Variants in SDC4 observed in about 807,000 individuals in gnomAD.
SDC4 encodes syndecan 4, also known as syndecan-4.
Under a neutral mutation model 20.5 loss-of-function variants are expected in SDC4, and 17 were observed. That is an observed-to-expected ratio of 0.83 (90% confidence interval 0.57 to 1.25). The LOEUF is 1.25. Ranked by LOEUF, SDC4 falls within the 50% of genes most tolerant of loss-of-function variation. The pLI, the probability that SDC4 is intolerant of heterozygous loss-of-function variation, is 0.00. For missense variants in SDC4, 241 were observed against 252.3 expected (o/e 0.96, Z 0.30); for synonymous variants, 107 against 105.3 (o/e 1.02, Z -0.10).
intron 2 of SDC4, among the ~76,000 whole-genome samples, chr20:45,335,095 A>T (rs6104122): frequency 1.4e-5 from 2 of 145,508 alleles, no homozygotes; most frequent in Non-Finnish European, 3.0e-5. Context: ...CCCCCACTGA[A>T]GCAGGGACTT....
rs772153765 is a variant in SDC4, at chr20:45,334,108, C to T, written c.200-1039G>A. 4.7e-4 allele frequency among the ~76,000 whole-genome samples: 72 copies of T among 151,992 alleles called. 1 individual carries two copies. Among genetic ancestry groups the T allele is most frequent in the Admixed American group, 2.6e-4 (4 of 15,256 alleles). On this transcript the variant is annotated intron_variant, in intron 2 of 4. Coordinates refer to ENST00000372733, the MANE Select transcript of SDC4 (RefSeq NM_002999.4). ...CTCCTGGGTTCAAGCGATTCTCCTGCCTCAGCCCCCCGAGTAGCTGGGACT... is the reference window on the plus strand; with the variant it reads ...CTCCTGGGTTCAAGCGATTCTCCTGTCTCAGCCCCCCGAGTAGCTGGGACT...
At position 45,325,630 on chromosome 20, in the gene SDC4, C is replaced by G. The variant is rs1292320597; in HGVS notation, c.*1634G>C. The G allele has an allele frequency of 1.2e-5, 1 of 84,666 alleles. No individual in the cohort carries two copies. The highest frequency in any genetic ancestry group is 2.3e-5 in the Non-Finnish European group (1 of 42,998). 5.2% of individuals were successfully genotyped at this position (84,666 alleles called of 1,614,324 possible). A position where few individuals can be genotyped will look rare whatever the true frequency, so the allele number is the denominator to read the frequency against. On this transcript the variant is annotated 3_prime_UTR_variant, in exon 5 of 5. Coordinates refer to ENST00000372733, the MANE Select transcript of SDC4 (RefSeq NM_002999.4). ...GCCTCATCAGCCCTCCCCCATTCCCCCCCCCCTACCCAGGGAGACAAGGGT... is the reference window on the plus strand; with the variant it reads ...GCCTCATCAGCCCTCCCCCATTCCCGCCCCCCTACCCAGGGAGACAAGGGT...
intron 1 of SDC4, among the ~76,000 whole-genome samples, chr20:45,339,974 AGGT>A (rs1987931833): frequency 6.6e-6 from 1 of 152,168 alleles, no homozygotes; most frequent in Non-Finnish European, 1.5e-5. Context: ...GATTTTGCCA[AGGT>A]CATCCAAGCA....
intron 2 of SDC4, among the ~76,000 whole-genome samples, chr20:45,333,559 C>T (rs1987813547): frequency 1.3e-5 from 2 of 152,178 alleles, no homozygotes; most frequent in Admixed American, 6.5e-5. Flanking sequence ...ATCCCAGCTA[C>T]TTGGGAGGCT....
chr20:45,338,083 T>C (rs1009564349), intron 1 of SDC4, among the ~76,000 whole-genome samples: 27 of 152,210 alleles, frequency 1.8e-4, no homozygotes, highest in Admixed American at 7.8e-4. Flanking sequence ...CCTACCTCCA[T>C]CTCCTGTGGC....
chr20:45,336,813 A>G (rs1987877373), intron 1 of SDC4, among the ~76,000 whole-genome samples: 1 of 152,060 alleles, frequency 6.6e-6, no homozygotes, highest in African/African-American at 2.4e-5. Context: ...ACACCCTAAG[A>G]CAGCCTCAGG....
chr20:45,336,805 A>G (rs1163330945), intron 1 of SDC4, among the ~76,000 whole-genome samples: 1 of 151,962 alleles, frequency 6.6e-6, no homozygotes, highest in East Asian at 1.9e-4. Context: ...CCTCACGCAC[A>G]CCCTAAGACA....
intron 1 of SDC4, among the ~76,000 whole-genome samples, chr20:45,347,113 G>A (rs777052687): frequency 3.9e-5 from 6 of 152,072 alleles, no homozygotes. Context: ...GGCGCTCCAC[G>A]TTTGCAATCA....
intron 1 of SDC4, 88 bp downstream of exon 1, chr20:45,348,237 C>T (rs961590779): frequency 1.6e-5 from 16 of 970,232 alleles, no homozygotes; most frequent in African/African-American, 5.4e-5. Context: ...CCCGATCTGC[C>T]CCCCCCCATC....
At chr20:45,343,886 T>A (rs182540129) in intron 1 of SDC4, among the ~76,000 whole-genome samples, 1 of 152,218 alleles carries the variant, frequency 6.6e-6, no homozygotes, top group Non-Finnish European at 1.5e-5. Flanking sequence ...GGTATCATGA[T>A]CTTCTTAACA....
intron 1 of SDC4, among the ~76,000 whole-genome samples, chr20:45,346,419 C>T (rs892078075): frequency 4.6e-5 from 7 of 152,146 alleles, no homozygotes; most frequent in African/African-American, 1.7e-4. Context: ...GATGGGTCAC[C>T]CAGGCAGGAC....
intron 1 of SDC4, among the ~76,000 whole-genome samples, chr20:45,348,064 G>A (rs1355545774): frequency 1.3e-5 from 2 of 152,204 alleles, no homozygotes; most frequent in Non-Finnish European, 2.9e-5. Context: ...AGTCACTAAC[G>A]AGCCCGTAGC....
intron 4 of SDC4, among the ~76,000 whole-genome samples, chr20:45,330,036 A>C (rs1047061027): frequency 6.6e-6 from 1 of 152,192 alleles, no homozygotes; most frequent in Non-Finnish European, 1.5e-5. Context: ...AGGGAAATTA[A>C]CTTTTAATGA....
chr20:45,326,950 C>T lies in SDC4; in HGVS notation c.*314G>A. The T allele has an allele frequency of 4.4e-6, 1 of 224,920 alleles. No individual in the cohort carries two copies. The highest frequency in any genetic ancestry group is 2.2e-5 in the African/African-American group (1 of 44,684). 13.9% of individuals were successfully genotyped at this position (224,920 alleles called of 1,614,324 possible). ...GGCTTCAGAGGAGCTCTGGATGAGGCATGGTCAGTATGGGCTTGAGGGCGG... is the reference window on the plus strand; with the variant it reads ...GGCTTCAGAGGAGCTCTGGATGAGGTATGGTCAGTATGGGCTTGAGGGCGG... On this transcript the variant is annotated 3_prime_UTR_variant, in exon 5 of 5. Coordinates refer to ENST00000372733, the MANE Select transcript of SDC4 (RefSeq NM_002999.4).
At chr20:45,340,060 A>G (rs940392582) in intron 1 of SDC4, among the ~76,000 whole-genome samples, 1 of 152,188 alleles carries the variant, frequency 6.6e-6, no homozygotes, top group Non-Finnish European at 1.5e-5. Context: ...CTCCCCTTCC[A>G]GGGTGTTGGC....
intron 1 of SDC4, among the ~76,000 whole-genome samples, chr20:45,342,146 AT>A (rs780918743): frequency 3.2e-4 from 48 of 152,172 alleles, no homozygotes; most frequent in Admixed American, 2.6e-4. Context: ...GGCTCTCGGG[AT>A]GTAAACAAAC....
At chr20:45,337,379 A>C (rs1987887624) in intron 1 of SDC4, among the ~76,000 whole-genome samples, 1 of 152,170 alleles carries the variant, frequency 6.6e-6, no homozygotes, top group Non-Finnish European at 1.5e-5. Context: ...AGACGCCATA[A>C]CTGCAGGAGC....
At chr20:45,346,650 G>C (rs1264725489) in intron 1 of SDC4, among the ~76,000 whole-genome samples, 1 of 152,126 alleles carries the variant, frequency 6.6e-6, no homozygotes, top group Non-Finnish European at 1.5e-5. Flanking sequence ...TGCTTGACCC[G>C]ACACATCCTT....
intron 4 of SDC4, among the ~76,000 whole-genome samples, chr20:45,328,127 G>A (rs1427793947): frequency 2.0e-5 from 3 of 152,154 alleles, no homozygotes; most frequent in African/African-American, 7.2e-5. Context: ...CTCCCTGTGT[G>A]CATATTTACC....
Sources: gnomAD v4.1 joint callset for allele counts (sites outside exome capture counted in the v4.1 genomes callset) on GRCh38, gnomAD v4.1.1 for gene constraint, MANE v1.5 for transcripts, NCBI Gene and HGNC (gene_info 2026-07-23, HGNC 2026-07-21) for gene names.